The following PLCB1 variants were observed in gnomAD, a reference collection of about 807,000 sequenced individuals.
PLCB1 encodes phospholipase C beta 1.
A neutral mutation model predicts 161.8 loss-of-function variants in PLCB1; 46 were observed. The observed-to-expected ratio is 0.28, with a 90% CI of 0.22 to 0.36. PLCB1 has a LOEUF of 0.36. Ranked by LOEUF, PLCB1 falls within the 10% of genes least tolerant of loss-of-function variation. PLCB1 has a pLI of 1.00. For missense variants in PLCB1, 1,016 were observed against 1,472.5 expected, an observed-to-expected ratio of 0.69 and a Z score of 5.07; for synonymous variants, 517 against 503.7, an observed-to-expected ratio of 1.03 and a Z score of -0.35.
At chr20:8,205,483 A>C (rs1978476334) in intron 2 of PLCB1, among the ~76,000 whole-genome samples, 2 of 152,168 alleles carry the variant, frequency 1.3e-5, no homozygotes, top group Non-Finnish European at 2.9e-5. Flanking sequence ...CAGGACAATC[A>C]ATCTGGTTTA....
intron 3 of PLCB1, among the ~76,000 whole-genome samples, chr20:8,578,314 T>G (rs1437017219): frequency 6.6e-6 from 1 of 152,226 alleles, no homozygotes; most frequent in Non-Finnish European, 1.5e-5. Flanking sequence ...AAGCAGTTTT[T>G]CAGTGTGTGA....
intron 3 of PLCB1, among the ~76,000 whole-genome samples, chr20:8,426,816 A>G (rs1434311259): frequency 6.6e-6 from 1 of 152,224 alleles, no homozygotes; most frequent in Non-Finnish European, 1.5e-5. Context: ...ATATACAATA[A>G]AATATATTTA....
chr20:8,453,889 G>T (rs1981180343), intron 3 of PLCB1, among the ~76,000 whole-genome samples: 1 of 152,152 alleles, frequency 6.6e-6, no homozygotes, highest in African/African-American at 2.4e-5. Context: ...TTGAAAATAA[G>T]GCCTCTAAAG....
intron 31 of PLCB1, among the ~76,000 whole-genome samples, chr20:8,803,863 A>T (rs1362090959): frequency 6.6e-6 from 1 of 151,816 alleles, no homozygotes; most frequent in East Asian, 1.9e-4. Flanking sequence ...GCGCAATCTC[A>T]GCTCACCACA....
At chr20:8,781,405 CACACACACACAA>C (rs879775728) in intron 27 of PLCB1, among the ~76,000 whole-genome samples, 27,989 of 83,464 alleles carry the variant, frequency 0.34, 2,909 homozygotes, top group Non-Finnish European at 0.42. Flanking sequence ...CAAACACACA[CACACACACACAA>C]ACACACACAC....
intron 7 of PLCB1, among the ~76,000 whole-genome samples, chr20:8,650,444 A>G (rs184811940): frequency 4.3e-4 from 65 of 152,350 alleles, no homozygotes; most frequent in African/African-American, 1.5e-3. Flanking sequence ...ACATGTGATT[A>G]AAAGTAAGTA....
chr20:8,703,888 A>G (rs1489915130), intron 11 of PLCB1, among the ~76,000 whole-genome samples: 1 of 152,174 alleles, frequency 6.6e-6, no homozygotes. Context: ...TTTGACCTGG[A>G]GCTAAATACC....
intron 2 of PLCB1, among the ~76,000 whole-genome samples, chr20:8,217,139 C>T (rs897783318): frequency 2.6e-5 from 4 of 152,124 alleles, no homozygotes; most frequent in African/African-American, 9.7e-5. Context: ...CCAGTTATTC[C>T]TTATTCACAT....
chr20:8,748,886 T>C (rs886431596), intron 23 of PLCB1, among the ~76,000 whole-genome samples: 1 of 152,218 alleles, frequency 6.6e-6, no homozygotes, highest in Non-Finnish European at 1.5e-5. Flanking sequence ...TCCCTTATAG[T>C]AACCATTTTA....
intron 4 of PLCB1, among the ~76,000 whole-genome samples, chr20:8,641,802 T>A (rs887786612): frequency 6.6e-6 from 1 of 152,168 alleles, no homozygotes; most frequent in Non-Finnish European, 1.5e-5. Flanking sequence ...AAAAGAAAAA[T>A]GCCCTCAGGA....
intron 2 of PLCB1, among the ~76,000 whole-genome samples, chr20:8,231,861 G>A (rs1196045261): frequency 6.6e-6 from 1 of 152,162 alleles, no homozygotes; most frequent in Non-Finnish European, 1.5e-5. Flanking sequence ...TGAATCAGAT[G>A]TAACAGCCTC....
At chr20:8,699,018 G>T (rs1172079291) in intron 11 of PLCB1, among the ~76,000 whole-genome samples, 1 of 152,188 alleles carries the variant, frequency 6.6e-6, no homozygotes, top group Non-Finnish European at 1.5e-5. Flanking sequence ...GGCCATTGGA[G>T]TAGGGGAAAT....
At chr20:8,535,309 A>G (rs6140635) in intron 3 of PLCB1, among the ~76,000 whole-genome samples, 12,631 of 151,474 alleles carry the variant, frequency 0.083, 765 homozygotes, top group East Asian at 0.21. Context: ...AGAATATGCA[A>G]TTATTATATA....
At chr20:8,396,024 A>G (rs927006087) in intron 3 of PLCB1, among the ~76,000 whole-genome samples, 4 of 152,068 alleles carry the variant, frequency 2.6e-5, no homozygotes, top group African/African-American at 4.8e-5. Context: ...TTCGGCTTGT[A>G]ATTTACTAAT....
intron 2 of PLCB1, among the ~76,000 whole-genome samples, chr20:8,304,830 G>A (rs1234522464): frequency 6.6e-6 from 1 of 152,120 alleles, no homozygotes; most frequent in African/African-American, 2.4e-5. Flanking sequence ...ATGAGGCACA[G>A]AGAGATTAAG....
intron 3 of PLCB1, among the ~76,000 whole-genome samples, chr20:8,556,382 G>A (rs1430003090): frequency 6.6e-6 from 1 of 152,022 alleles, no homozygotes; most frequent in Non-Finnish European, 1.5e-5. Context: ...CTGCCACTTA[G>A]GGCAAAAGAT....
At chr20:8,216,436 T>C (rs1284112750) in intron 2 of PLCB1, among the ~76,000 whole-genome samples, 1 of 152,116 alleles carries the variant, frequency 6.6e-6, no homozygotes, top group Non-Finnish European at 1.5e-5. Flanking sequence ...GTAATTCTCT[T>C]CCACAAAGCT....
chr20:8,196,269 A>G (rs2052023098), intron 2 of PLCB1, among the ~76,000 whole-genome samples: 1 of 152,148 alleles, frequency 6.6e-6, no homozygotes, highest in Non-Finnish European at 1.5e-5. Context: ...TATCAGACAG[A>G]AAATGATATT....
intron 31 of PLCB1, among the ~76,000 whole-genome samples, chr20:8,827,579 T>C (rs2146272631): frequency 6.6e-6 from 1 of 152,362 alleles, no homozygotes; most frequent in South Asian, 2.1e-4. Flanking sequence ...TCAGTCACAC[T>C]AGCACATTTC....
Sources: gnomAD v4.1 joint callset for allele counts (sites outside exome capture counted in the v4.1 genomes callset) on GRCh38, gnomAD v4.1.1 for gene constraint, MANE v1.5 for transcripts, NCBI Gene and HGNC (gene_info 2026-07-23, HGNC 2026-07-21) for gene names.